KMT2C: variants seen among roughly 807,000 people sequenced by gnomAD.
The protein encoded by KMT2C is histone-lysine N-methyltransferase 2C.
KMT2C carries 88 observed loss-of-function variants against 507.9 expected under a neutral mutation model. That is an observed-to-expected ratio of 0.17 (90% confidence interval 0.15 to 0.21). KMT2C has a LOEUF of 0.21. KMT2C is among the 10% of genes least tolerant of loss of function. The pLI, the probability that KMT2C is intolerant of heterozygous loss-of-function variation, is 1.00. For missense variants in KMT2C, 4,954 were observed against 5,957.8 expected (o/e 0.83, Z 5.55); for synonymous variants, 2,049 against 2,080.8 (o/e 0.98, Z 0.42).
intron 15 of KMT2C, among the ~76,000 whole-genome samples, chr7:152,238,337 G>C (rs1485058078): frequency 5.3e-5 from 8 of 152,030 alleles, no homozygotes; most frequent in Non-Finnish European, 7.4e-5. Flanking sequence ...CCACAATTTT[G>C]GTATTTCTTC....
At chr7:152,141,410 G>A (rs571260188) in intron 55 of KMT2C, among the ~76,000 whole-genome samples, 1 of 151,948 alleles carries the variant, frequency 6.6e-6, no homozygotes, top group Non-Finnish European at 1.5e-5. Flanking sequence ...TCAAGATTTC[G>A]TGGGGTTAGA....
chr7:152,169,732 C>T (rs2092878104), intron 40 of KMT2C, among the ~76,000 whole-genome samples: 2 of 152,032 alleles, frequency 1.3e-5, no homozygotes, highest in African/African-American at 4.8e-5. Context: ...AAATATTAGT[C>T]TTATTTTCTA....
chr7:152,307,244 A>AGGAAGGAAGGAC (rs1563802995), intron 6 of KMT2C, among the ~76,000 whole-genome samples: 7 of 120,304 alleles, frequency 5.8e-5, no homozygotes, highest in Admixed American at 3.9e-4. Flanking sequence ...GAAGGAAGGA[A>AGGAAGGAAGGAC]GGAAGGACGG....
rs73481015 is a variant in KMT2C at position 152,185,752 on chromosome 7, T to C, written c.5009-121A>G. On this transcript the variant is annotated intron_variant, in intron 33 of 58. Coordinates refer to ENST00000262189, the MANE Select transcript of KMT2C (RefSeq NM_170606.3). ...TTCAGGCCGTATTCTCATGAGGTCA[T>C]AGACCTATATTAAGTTTTTTACAAA... 2.4e-3 allele frequency: 1,681 copies of C among 692,892 alleles called. 21 individuals carry two copies. In the African/African-American group the frequency reaches 0.027, roughly 11 times the overall value. 42.9% of individuals were successfully genotyped at this position (692,892 alleles called of 1,614,324 possible).
At chr7:152,160,001 GC>G (rs1311086700) in intron 43 of KMT2C, among the ~76,000 whole-genome samples, 2 of 152,212 alleles carry the variant, frequency 1.3e-5, no homozygotes, top group African/African-American at 2.4e-5. Context: ...AGGCCATACA[GC>G]CCCTGGCATA....
intron 2 of KMT2C, among the ~76,000 whole-genome samples, chr7:152,338,035 T>G (rs1288324057): frequency 6.6e-6 from 1 of 152,002 alleles, no homozygotes; most frequent in Non-Finnish European, 1.5e-5. Context: ...TTTTTGTATT[T>G]TTTTAGTAGA....
At chr7:152,430,882 C>T (rs1487358505) in intron 1 of KMT2C, among the ~76,000 whole-genome samples, 2 of 152,142 alleles carry the variant, frequency 1.3e-5, no homozygotes, top group African/African-American at 4.8e-5. Flanking sequence ...CTTGGAAGGT[C>T]AATGAAGTTT....
intron 6 of KMT2C, among the ~76,000 whole-genome samples, chr7:152,301,612 A>G (rs550876511): frequency 6.6e-6 from 1 of 152,242 alleles, no homozygotes; most frequent in South Asian, 2.1e-4. Flanking sequence ...GCTTGAGCCT[A>G]AGAAGTCAAG....
intron 6 of KMT2C, among the ~76,000 whole-genome samples, chr7:152,290,258 G>GTGTGTGTGTGTGTATATA (rs1337492088): frequency 3.8e-5 from 1 of 26,242 alleles, no homozygotes; most frequent in African/African-American, 1.4e-4. Flanking sequence ...GTGTGTATGT[G>GTGTGTGTGTGTGTATATA]TATATATATA....
chr7:152,321,024 A>G lies in KMT2C; in HGVS notation c.390-5686T>C, dbSNP rs940002557. 1.7e-4 allele frequency among the ~76,000 whole-genome samples: 26 copies of G among 152,032 alleles called. 1 individual carries two copies. Among genetic ancestry groups the G allele is most frequent in the African/African-American group, 6.3e-4 (26 of 41,456 alleles). On this transcript the variant is annotated intron_variant, in intron 3 of 58. Coordinates refer to ENST00000262189, the MANE Select transcript of KMT2C (RefSeq NM_170606.3). ...TGAGGCAGGTGGATCACCTGAGGTCAGCAGTTTGAGACCAGCCTGACCAAC... is the reference window on the plus strand; with the variant it reads ...TGAGGCAGGTGGATCACCTGAGGTCGGCAGTTTGAGACCAGCCTGACCAAC...
In KMT2C at chr7:152,358,680, A is replaced by G; in HGVS notation, c.162-5T>C. The G allele has an allele frequency of 6.4e-7, 1 of 1,555,490 alleles. No homozygotes were observed. Among genetic ancestry groups the G allele is most frequent in the Non-Finnish European group, 8.8e-7 (1 of 1,135,646 alleles). ...GTTTTCCCCCTACTTCGAGGTCTAC[A>G]GAAAAAAAAAAAAATAATAAGTACA... On this transcript the variant is annotated splice_polypyrimidine_tract_variant and splice_region_variant and intron_variant, in intron 1 of 58. Coordinates refer to ENST00000262189, the MANE Select transcript of KMT2C (RefSeq NM_170606.3).
At chr7:152,256,092 C>G (rs1403541207) in intron 9 of KMT2C, among the ~76,000 whole-genome samples, 1 of 152,084 alleles carries the variant, frequency 6.6e-6, no homozygotes, top group African/African-American at 2.4e-5. Flanking sequence ...ATCACTTGAA[C>G]CCGCGAGGGG....
At position 152,435,803 on chromosome 7, in the gene KMT2C, G is replaced by A. The variant is rs1285493189; in HGVS notation, c.-17C>T. ...CGACGACATCCTAGTCACCAGGAAAGACACATGGATCCCGGTCCTCCTCCT... is the reference window on the plus strand; with the variant it reads ...CGACGACATCCTAGTCACCAGGAAAAACACATGGATCCCGGTCCTCCTCCT... On this transcript the variant is annotated 5_prime_UTR_variant, in exon 1 of 59. Transcript: ENST00000262189. 1.5e-5 allele frequency: 19 copies of A among 1,240,290 alleles called. No individual in the cohort carries two copies. The highest frequency in any genetic ancestry group is 1.3e-4 in the East Asian group (3 of 23,392). 76.8% of individuals were successfully genotyped at this position (1,240,290 alleles called of 1,614,324 possible).
intron 1 of KMT2C, among the ~76,000 whole-genome samples, chr7:152,362,944 C>A (rs1237340444): frequency 3.3e-5 from 5 of 152,188 alleles, no homozygotes; most frequent in Admixed American, 3.3e-4. Context: ...GGGCAATGGA[C>A]CAACTTATTG....
intron 1 of KMT2C, among the ~76,000 whole-genome samples, chr7:152,418,714 G>C (rs1343048198): frequency 2.0e-5 from 3 of 152,184 alleles, no homozygotes; most frequent in Non-Finnish European, 4.4e-5. Flanking sequence ...ACAGTCGTGA[G>C]CGACAGCACT....
intron 1 of KMT2C, among the ~76,000 whole-genome samples, chr7:152,389,463 T>G (rs2097469681): frequency 6.6e-6 from 1 of 152,118 alleles, no homozygotes; most frequent in Admixed American, 6.5e-5. Context: ...ACTATTTAAA[T>G]TTTCTAATTA....
intron 2 of KMT2C, among the ~76,000 whole-genome samples, chr7:152,331,309 CAAA>C (rs60887703): frequency 7.3e-6 from 1 of 136,412 alleles, no homozygotes; most frequent in African/African-American, 2.7e-5. Context: ...GACCCTGTCT[CAAA>C]AAAAAAAAAA....
intron 39 of KMT2C, among the ~76,000 whole-genome samples, chr7:152,172,669 C>G (rs1221522119): frequency 6.6e-6 from 1 of 152,180 alleles, no homozygotes; most frequent in Non-Finnish European, 1.5e-5. Flanking sequence ...TGGGCAACAA[C>G]AGCGAAACTC....
At chr7:152,421,703 A>T (rs1301348446) in intron 1 of KMT2C, among the ~76,000 whole-genome samples, 1 of 152,360 alleles carries the variant, frequency 6.6e-6, no homozygotes, top group East Asian at 1.9e-4. Context: ...ATGTGGACAC[A>T]GAGGGGACCA....
Sources: allele counts gnomAD v4.1 joint callset (sites outside exome capture counted in the v4.1 genomes callset), GRCh38; gene constraint gnomAD v4.1.1; transcripts MANE v1.5; gene names NCBI Gene and HGNC (gene_info 2026-07-23, HGNC 2026-07-21).